Variants in MIP observed in about 807,000 individuals in gnomAD.
The protein encoded by MIP is lens fiber major intrinsic protein.
Under a neutral mutation model 21.8 loss-of-function variants are expected in MIP, and 14 were observed. The observed-to-expected ratio is 0.64, with a 90% CI of 0.42 to 1.00. The LOEUF (loss-of-function observed/expected upper bound fraction) is 1.00. Among genes scored for constraint, MIP ranks in the 50% least tolerant of loss-of-function variants. The probability of loss-of-function intolerance (pLI) is 0.00; values close to 1 mark genes in which losing one functional copy is unlikely to be tolerated. For missense variants in MIP, 260 were observed against 333.5 expected (o/e 0.78, Z 1.72); for synonymous variants, 133 against 141.4 (o/e 0.94, Z 0.42).
In MIP at chr12:56,449,578, A is replaced by T. The variant is rs1868514665; in HGVS notation, c.*1702T>A. ...TGAATTTTCTGCTGAATTATAGTAG[A>T]ATCAAAGTCCGATTAGAGGTGAATT... On this transcript the variant is annotated 3_prime_UTR_variant, in exon 4 of 4. Coordinates refer to ENST00000652304, the MANE Select transcript of MIP (RefSeq NM_012064.4). The T allele has an allele frequency of 6.6e-6, 1 of 152,220 alleles. No individual in the cohort carries two copies. Among genetic ancestry groups the T allele is most frequent in the African/African-American group, 2.4e-5 (1 of 41,440 alleles). 9.4% of individuals were successfully genotyped at this position (152,220 alleles called of 1,614,324 possible). A position where few individuals can be genotyped will look rare whatever the true frequency, so the allele number is the denominator to read the frequency against.
In MIP at chr12:56,450,424, G is replaced by A. The variant is rs1868554849; in HGVS notation, c.*856C>T. On this transcript the variant is annotated 3_prime_UTR_variant, in exon 4 of 4. Coordinates refer to ENST00000652304, the MANE Select transcript of MIP (RefSeq NM_012064.4). Reference sequence around the variant, plus strand: ...CTGCCAGGCAGCCACAACAGTGGATGTCAGGCTGACCAGTTAAGCTGCTTA... The same window carrying A: ...CTGCCAGGCAGCCACAACAGTGGATATCAGGCTGACCAGTTAAGCTGCTTA... 1 of 152,198 alleles carries A rather than the reference G, an allele frequency of 6.6e-6. No individual in the cohort carries two copies. The highest frequency in any genetic ancestry group is 1.5e-5 in the Non-Finnish European group (1 of 68,050). 9.4% of individuals were successfully genotyped at this position (152,198 alleles called of 1,614,324 possible).
At chr12:56,453,234 G>T in intron 2 of MIP, 82 bp from the exon 3 acceptor site, 2 of 1,028,146 alleles carry the variant, frequency 1.9e-6, no homozygotes, top group Non-Finnish European at 3.0e-6. Context: ...GCCCCTGAGA[G>T]CTGCCATCTT....
At chr12:56,453,493 G>T in intron 2 of MIP, 98 bp downstream of exon 2, 1 of 1,355,472 alleles carries the variant, frequency 7.4e-7, no homozygotes, top group Non-Finnish European at 1.1e-6. Context: ...CAATGTTCAT[G>T]TTTGACAGTG....
upstream of MIP, among the ~76,000 whole-genome samples, chr12:56,455,261 C>T (rs148269822): frequency 3.9e-5 from 6 of 152,240 alleles, no homozygotes; most frequent in African/African-American, 9.6e-5. Flanking sequence ...TCTCTGAGCC[C>T]GGGTTCCCTA....
chr12:56,453,873 A>T, intron 1 of MIP, 118 bp from the exon 2 acceptor site: 1 of 989,744 alleles, frequency 1.0e-6, no homozygotes, highest in Non-Finnish European at 1.5e-6. Context: ...GAAGGATAAT[A>T]CAACCCCCTT....
chr12:56,453,256 G>T, intron 2 of MIP, 104 bp from the exon 3 acceptor site: 1 of 883,260 alleles, frequency 1.1e-6, no homozygotes, highest in Non-Finnish European at 1.9e-6. Context: ...TCTCCAGCCA[G>T]CAGCAAGTGG....
chr12:56,451,398 G>A lies in MIP; in HGVS notation c.674C>T (p.Pro225Leu). The A allele has an allele frequency of 6.2e-7, 1 of 1,614,136 alleles. No individual in the cohort carries two copies. Among genetic ancestry groups the A allele is most frequent in the Non-Finnish European group, 8.5e-7 (1 of 1,180,038 alleles). The change falls in exon 4 of 4, where the codon CCC becomes CTC. Residue 225 changes from proline to leucine, a missense_variant. Physicochemically the swap from Pro to Leu is moderately conservative, Grantham distance 98. Transcript: ENST00000652304. ...GSLLYDFLLF[P>L]RLKSISERLS... ...TCTCTCAGAAATACTCTTGAGCCGG[G>A]GGAAGAGAAGAAAGTCGTACAGGAG...
At position 56,453,706 on chromosome 12, in the gene MIP, AG is replaced by A; in HGVS notation, c.409del (p.Leu137Ter). ...GATGCAGAGCACGAACTGGAGCGTCAGGAAGATCTCCACTGTGGTTGCCTGG... is the reference window on the plus strand; with the variant it reads ...GATGCAGAGCACGAACTGGAGCGTCAGAAGATCTCCACTGTGGTTGCCTGG... The part of the protein sequence containing the change: ...VGQATTVEIF[L>X]TLQFVLCIFA... On this transcript the variant is annotated frameshift_variant, in exon 2 of 4. Transcript: ENST00000652304. LOFTEE classifies it high-confidence loss of function. The A allele has an allele frequency of 6.2e-7, 1 of 1,614,184 alleles. No individual in the cohort carries two copies. Among genetic ancestry groups the A allele is most frequent in the Non-Finnish European group, 8.5e-7 (1 of 1,180,032 alleles).
In MIP at chr12:56,451,046, G is replaced by A. The variant is rs550787777; in HGVS notation, c.*234C>T. 113 of 541,068 alleles carry A rather than the reference G, an allele frequency of 2.1e-4. 2 individuals are homozygous for A. The highest frequency in any genetic ancestry group is 1.9e-3 in the South Asian group (93 of 47,840). The allele number at this position is 541,068 out of a possible 1,614,324, so 33.5% of individuals were successfully genotyped here. A position where few individuals can be genotyped will look rare whatever the true frequency, so the allele number is the denominator to read the frequency against. ...ATTCATATGCACAATCAGCACACAC[G>A]GCGAAGGGTGGTGGGATGGGGAGGA... On this transcript the variant is annotated 3_prime_UTR_variant, in exon 4 of 4. Coordinates refer to ENST00000652304, the MANE Select transcript of MIP (RefSeq NM_012064.4).
chr12:56,454,225 T>A (rs1868720097), intron 1 of MIP, 29 bp downstream of exon 1: 2 of 1,613,698 alleles, frequency 1.2e-6, no homozygotes, highest in Non-Finnish European at 1.7e-6. Flanking sequence ...GGACACCAGG[T>A]TCCCCATCCC....
At chr12:56,453,777 G>C (rs1375886476) in intron 1 of MIP, 22 bp from the exon 2 acceptor site, 1 of 1,608,732 alleles carries the variant, frequency 6.2e-7, no homozygotes, top group South Asian at 1.1e-5. Context: ...AAGAAGAAGA[G>C]AGACAGCTCA....
rs1565694836 is a variant in MIP, at chr12:56,454,449, CA to C, written c.164del (p.Leu55ArgfsTer62). 1 of 1,614,000 alleles carries C rather than the reference CA, an allele frequency of 6.2e-7. No individual in the cohort carries two copies. Among genetic ancestry groups the C allele is most frequent in the Non-Finnish European group, 8.5e-7 (1 of 1,179,910 alleles). On this transcript the variant is annotated frameshift_variant, in exon 1 of 4. Coordinates refer to ENST00000652304, the MANE Select transcript of MIP (RefSeq NM_012064.4). LOFTEE classifies it high-confidence loss of function. ...CACTGATGTGGCCCACAGACTGCAC[CA>C]GTGTAGCCAGGGCCAAGCCAAATGC... is the stretch of plus-strand genomic sequence containing the variant. ...AMAFGLALAT[L>X]VQSVGHISGA... is the part of the protein sequence containing the mutation.
upstream of MIP, among the ~76,000 whole-genome samples, chr12:56,455,916 G>A (rs549279171): frequency 1.0e-3 from 159 of 152,244 alleles, 2 homozygotes; most frequent in African/African-American, 3.6e-3. Flanking sequence ...ACAGATCAGG[G>A]GCTGTGCTTT....
At chr12:56,455,560 GC>G (rs751564432), upstream of MIP, among the ~76,000 whole-genome samples, 5 of 152,176 alleles carry the variant, frequency 3.3e-5, no homozygotes, top group Admixed American at 6.5e-5. Context: ...CACACCCTAA[GC>G]CTTGATCCCC....
Position 56,454,603 on chromosome 12 carries a change from A to C in MIP, c.11T>G (p.Leu4Arg). 3 of 1,614,058 alleles carry C rather than the reference A, an allele frequency of 1.9e-6. No individual in the cohort carries two copies. Among genetic ancestry groups the C allele is most frequent in the Non-Finnish European group, 2.5e-6 (3 of 1,179,996 alleles). Residue 4 changes from leucine (L) to arginine (R), a missense_variant, in exon 1 of 4, where the codon CTG (leucine) becomes CGG (arginine). Physicochemically the swap from Leu to Arg is moderately radical, Grantham distance 102. Transcript: ENST00000652304. MWE[L>R]RSASFWRAIF... ...GGCCCTCCAAAAGGAGGCTGATCGC[A>C]GTTCCCACATGGCAGGGGGGATGGT...
In MIP at chr12:56,454,601, G is replaced by C. The variant is rs775392254; in HGVS notation, c.13C>G (p.Arg5Gly). MWEL[R>G]SASFWRAIFA... ...ATGGCCCTCCAAAAGGAGGCTGATC[G>C]CAGTTCCCACATGGCAGGGGGGATG... is the stretch of plus-strand genomic sequence containing the variant. The change falls in exon 1 of 4, where the codon CGA (arginine) becomes GGA (glycine). Residue 5 changes from arginine (R) to glycine (G), a missense_variant. Coordinates refer to ENST00000652304, the MANE Select transcript of MIP (RefSeq NM_012064.4). The C allele has an allele frequency of 6.2e-7, 1 of 1,614,010 alleles. No individual in the cohort carries two copies. Among genetic ancestry groups the C allele is most frequent in the Non-Finnish European group, 8.5e-7 (1 of 1,180,002 alleles).
At chr12:56,455,169 G>C (rs74474035), upstream of MIP, among the ~76,000 whole-genome samples, 235 of 152,132 alleles carry the variant, frequency 1.5e-3, 5 homozygotes, top group East Asian at 0.041. Context: ...GGGATTAGAA[G>C]CCTTTCTCCC....
intron 3 of MIP, chr12:56,452,715 A>G (rs1172197495): frequency 2.9e-6 from 1 of 344,206 alleles, no homozygotes; most frequent in Non-Finnish European, 5.6e-6. Context: ...ACGTATTAGA[A>G]CTGGAATGGG....
intron 3 of MIP, chr12:56,452,701 G>A (rs1216468208): frequency 5.2e-5 from 16 of 309,668 alleles, no homozygotes; most frequent in South Asian, 2.2e-4. Flanking sequence ...ACACAAAGCC[G>A]ATAACGTATT....
Sources: allele counts gnomAD v4.1 joint callset (sites outside exome capture counted in the v4.1 genomes callset), GRCh38; gene constraint gnomAD v4.1.1; transcripts MANE v1.5; gene names NCBI Gene and HGNC (gene_info 2026-07-23, HGNC 2026-07-21).